ARL14EP: variants seen among roughly 807,000 people sequenced by gnomAD.
ARL14EP encodes ARF like GTPase 14 effector protein.
ARL14EP carries 12 observed loss-of-function variants against 23.1 expected under a neutral mutation model. The ratio of observed to expected loss-of-function variants is 0.52; its 90% CI spans 0.33 to 0.84. The LOEUF is 0.84. ARL14EP is among the 40% of genes least tolerant of loss of function. ARL14EP has a pLI of 0.02. For synonymous variants in ARL14EP, 97 were observed against 102.0 expected (o/e 0.95, Z 0.29); for missense variants, 253 against 307.3 (o/e 0.82, Z 1.32).
Position 30,323,399 on chromosome 11 carries a change from G to A in ARL14EP, c.-64+197G>A, listed in dbSNP as rs569417454. ...CCGCGTAGTTCATCTGCGACGCAAC[G>A]CCTTGTGTCAAAGCCCAGCACAGGT... On this transcript the variant is annotated intron_variant, in intron 1 of 3. Coordinates refer to ENST00000282032, the MANE Select transcript of ARL14EP (RefSeq NM_152316.3). 1.2e-3 allele frequency among the ~76,000 whole-genome samples: 188 copies of A among 152,302 alleles called. 3 individuals carry two copies. Among genetic ancestry groups the A allele is most frequent in the Non-Finnish European group, 1.5e-4 (10 of 68,016 alleles).
At chr11:30,326,614 T>C (rs887794286) in intron 1 of ARL14EP, among the ~76,000 whole-genome samples, 3 of 152,048 alleles carry the variant, frequency 2.0e-5, no homozygotes, top group Non-Finnish European at 4.4e-5. Context: ...AATGAGAACA[T>C]TGAGGAATAT....
chr11:30,325,744 G>A (rs1947231135), intron 1 of ARL14EP, among the ~76,000 whole-genome samples: 1 of 152,126 alleles, frequency 6.6e-6, no homozygotes, highest in Non-Finnish European at 1.5e-5. Flanking sequence ...CAGTTTAAAT[G>A]ACAATTAAAA....
chr11:30,334,356 C>T (rs10835655), intron 3 of ARL14EP, among the ~76,000 whole-genome samples: 18,337 of 151,860 alleles, frequency 0.12, 1,152 homozygotes, highest in Non-Finnish European at 0.15. Context: ...GCTGGGACTA[C>T]AGGCACGTGC....
In ARL14EP at chr11:30,323,221, AG is replaced by A. The variant is rs1429129024; in HGVS notation, c.-64+21del. 6.5e-6 allele frequency: 1 copy of A among 152,840 alleles called. No individual in the cohort carries two copies. Among genetic ancestry groups the A allele is most frequent in the Non-Finnish European group, 1.5e-5 (1 of 68,654 alleles). 9.5% of individuals were successfully genotyped at this position (152,840 alleles called of 1,614,324 possible). A position where few individuals can be genotyped will look rare whatever the true frequency, so the allele number is the denominator to read the frequency against. ...AGCTAAGGTGGAAGGGGAACGGGGG[AG>A]GCCCTGGAGAGGAGTGGGAGAGTGG... On this transcript the variant is annotated intron_variant, in intron 1 of 3. Transcript: ENST00000282032.
chr11:30,326,379 T>C (rs1947234997), intron 1 of ARL14EP, among the ~76,000 whole-genome samples: 2 of 152,260 alleles, frequency 1.3e-5, no homozygotes, highest in South Asian at 4.1e-4. Context: ...CATTTCCAAC[T>C]ATATTAAGGA....
At chr11:30,323,735 T>C (rs1947214389) in intron 1 of ARL14EP, among the ~76,000 whole-genome samples, 1 of 152,160 alleles carries the variant, frequency 6.6e-6, no homozygotes, top group Non-Finnish European at 1.5e-5. Flanking sequence ...TGTGGCCTCT[T>C]ACAGGGTTGG....
intron 3 of ARL14EP, among the ~76,000 whole-genome samples, chr11:30,333,695 A>G (rs549755490): frequency 1.2e-4 from 19 of 152,282 alleles, no homozygotes; most frequent in East Asian, 9.7e-4. Flanking sequence ...TAACCCTGCA[A>G]TGGTCTCTAA....
At position 30,332,907 on chromosome 11, in the gene ARL14EP, T is replaced by A; in HGVS notation, c.468T>A (p.Asn156Lys). The A allele has an allele frequency of 6.2e-7, 1 of 1,613,614 alleles. No individual in the cohort carries two copies. Residue 156 changes from asparagine (N) to lysine (K), a missense_variant, in exon 3 of 4, where the codon AAT (asparagine) becomes AAA (lysine). Asn to Lys is a moderately conservative substitution (Grantham distance 94, BLOSUM62 0). Coordinates refer to ENST00000282032, the MANE Select transcript of ARL14EP (RefSeq NM_152316.3). Reference sequence around the variant, plus strand: ...CTTTGAGGTCATTACAATTTACGAATCCAGGAAGGCAAACTGAATTTGCTC... The same window carrying A: ...CTTTGAGGTCATTACAATTTACGAAACCAGGAAGGCAAACTGAATTTGCTC... ...AKALRSLQFT[N>K]PGRQTEFAPE...
chr11:30,332,063 A>G (rs974478618), intron 2 of ARL14EP, among the ~76,000 whole-genome samples: 1 of 152,122 alleles, frequency 6.6e-6, no homozygotes, highest in Non-Finnish European at 1.5e-5. Flanking sequence ...TTAAGTTTTC[A>G]TAAAGCTATC....
At chr11:30,323,653 A>T (rs964352655) in intron 1 of ARL14EP, among the ~76,000 whole-genome samples, 1 of 152,238 alleles carries the variant, frequency 6.6e-6, no homozygotes, top group African/African-American at 2.4e-5. Flanking sequence ...CCATGAACTT[A>T]GTAGGTGCCC....
At chr11:30,335,772 ATATATG>A (rs1259249820) in intron 3 of ARL14EP, among the ~76,000 whole-genome samples, 6 of 126,276 alleles carry the variant, frequency 4.8e-5, no homozygotes, top group African/African-American at 1.9e-4. Context: ...ATATATATAT[ATATATG>A]TGTGTGTGTG....
At chr11:30,331,893 T>G in intron 2 of ARL14EP, 1 of 839,142 alleles carries the variant, frequency 1.2e-6, no homozygotes, top group Non-Finnish European at 1.4e-6. Context: ...GAATTTTCTT[T>G]GCTTCTAGTT....
intron 2 of ARL14EP, 91 bp from the exon 3 acceptor site, chr11:30,332,775 T>C: frequency 6.8e-7 from 1 of 1,479,218 alleles, no homozygotes; most frequent in Non-Finnish European, 9.3e-7. Flanking sequence ...GTCTTCCATG[T>C]TAGGGAATCG....
At chr11:30,326,241 A>G (rs1947234339) in intron 1 of ARL14EP, among the ~76,000 whole-genome samples, 3 of 152,218 alleles carry the variant, frequency 2.0e-5, no homozygotes, top group Admixed American at 1.3e-4. Flanking sequence ...TGTGCTTACA[A>G]ATCACTTGGG....
At chr11:30,335,595 C>CA (rs962401601) in intron 3 of ARL14EP, among the ~76,000 whole-genome samples, 7 of 152,014 alleles carry the variant, frequency 4.6e-5, no homozygotes, top group African/African-American at 1.4e-4. Flanking sequence ...CCTCCACCAG[C>CA]AAAAAAACTA....
chr11:30,333,820 G>T (rs908548826), intron 3 of ARL14EP, among the ~76,000 whole-genome samples: 5 of 152,170 alleles, frequency 3.3e-5, no homozygotes, highest in Non-Finnish European at 7.3e-5. Context: ...TGGGCCTCTT[G>T]TGCTAAACAG....
intron 3 of ARL14EP, among the ~76,000 whole-genome samples, chr11:30,334,362 C>T (rs548326721): frequency 2.7e-4 from 41 of 151,958 alleles, no homozygotes; most frequent in African/African-American, 9.2e-4. Flanking sequence ...ACTACAGGCA[C>T]GTGCCACCAC....
intron 1 of ARL14EP, among the ~76,000 whole-genome samples, chr11:30,325,485 A>T (rs867665069): frequency 6.6e-6 from 1 of 152,198 alleles, no homozygotes; most frequent in African/African-American, 2.4e-5. Flanking sequence ...AGCAAAATTC[A>T]ACTTGCCAAA....
At chr11:30,330,781 A>T in intron 1 of ARL14EP, 105 bp from the exon 2 acceptor site, 1 of 646,200 alleles carries the variant, frequency 1.5e-6, no homozygotes, top group Admixed American at 3.0e-5. Flanking sequence ...TACCTTTTTT[A>T]TTCCTTATTT....
Sources: allele counts gnomAD v4.1 joint callset (sites outside exome capture counted in the v4.1 genomes callset), GRCh38; gene constraint gnomAD v4.1.1; transcripts MANE v1.5; gene names NCBI Gene and HGNC (gene_info 2026-07-23, HGNC 2026-07-21).